MAP2K3: variants seen among roughly 807,000 people sequenced by gnomAD.
MAP2K3 encodes the protein dual specificity mitogen-activated protein kinase kinase 3.
MAP2K3 carries 30 observed loss-of-function variants against 46.4 expected under a neutral mutation model. The ratio of observed to expected loss-of-function variants is 0.65; its 90% confidence interval spans 0.48 to 0.88. MAP2K3 has a LOEUF of 0.88. Among genes scored for constraint, MAP2K3 ranks in the 40% least tolerant of loss-of-function variants. MAP2K3 has a pLI of 0.00. For missense variants in MAP2K3, 380 were observed against 464.5 expected (o/e 0.82, Z 1.67); for synonymous variants, 189 against 176.3 (o/e 1.07, Z -0.57).
rs1480000420 is a variant in MAP2K3 at position 21,312,126 on chromosome 17, C to T, written c.775-16C>T. 3 of 1,517,340 alleles carry T rather than the reference C, an allele frequency of 2.0e-6. No individual in the cohort carries two copies. Among genetic ancestry groups the T allele is most frequent in the Non-Finnish European group, 2.6e-6 (3 of 1,135,556 alleles). 94.0% of individuals were successfully genotyped at this position (1,517,340 alleles called of 1,614,324 possible). Reference sequence around the variant, plus strand: ...TATCTGGGGCCGGGGCCTCTGACCCCCTGTCCCCGCTGCAGATTGAGATGG... The same window carrying T: ...TATCTGGGGCCGGGGCCTCTGACCCTCTGTCCCCGCTGCAGATTGAGATGG... On this transcript the variant is annotated splice_polypyrimidine_tract_variant and intron_variant, in intron 9 of 11. Coordinates refer to ENST00000342679, the MANE Select transcript of MAP2K3 (RefSeq NM_145109.3).
chr17:21,312,254 C>T lies in MAP2K3; in HGVS notation c.887C>T (p.Pro296Leu). 6.2e-7 allele frequency: 1 copy of T among 1,601,470 alleles called. No individual in the cohort carries two copies. Among genetic ancestry groups the T allele is most frequent in the Non-Finnish European group, 8.5e-7 (1 of 1,175,820 alleles). Residue 296 changes from proline to leucine, a missense_variant, in exon 10 of 12, where the codon CCC becomes CTC. Physicochemically the swap from Pro to Leu is moderately conservative, Grantham distance 98. This residue lies in a region of MAP2K3 where 63 missense variants were observed against 81.6 expected (regional missense o/e 0.77). Coordinates refer to ENST00000342679, the MANE Select transcript of MAP2K3 (RefSeq NM_145109.3). ...SPQLPADRFSPEFVDFTAQCL... is the reference protein window; with the variant it reads ...SPQLPADRFSLEFVDFTAQCL... Reference sequence around the variant, plus strand: ...CAGCTCCCAGCCGACCGTTTCTCCCCCGAGTTTGTGGACTTCACTGCTCAG... The same window carrying T: ...CAGCTCCCAGCCGACCGTTTCTCCCTCGAGTTTGTGGACTTCACTGCTCAG...
At position 21,315,186 on chromosome 17, in the gene MAP2K3, G is replaced by T. The variant is rs62055368; in HGVS notation, c.*956G>T. The stretch of plus-strand genomic sequence containing the variant: ...CCCGGGTCCTTTCCCTGATGGGTTG[G>T]GGCAGTTACCTGGTTGCTGTTTTAA... On this transcript the variant is annotated 3_prime_UTR_variant, in exon 12 of 12. Coordinates refer to ENST00000342679, the MANE Select transcript of MAP2K3 (RefSeq NM_145109.3). 9 of 151,328 alleles carry T rather than the reference G, an allele frequency of 5.9e-5. 1 individual carries two copies. The South Asian group carries it at 1.7e-3, about 28-fold the overall frequency. The allele number at this position is 151,328 out of a possible 1,614,324, so 9.4% of individuals were successfully genotyped here.
chr17:21,285,649 T>C (rs1477607567), intron 1 of MAP2K3, among the ~76,000 whole-genome samples: 1 of 151,920 alleles, frequency 6.6e-6, no homozygotes, highest in Non-Finnish European at 1.5e-5. Context: ...CTCCCTAAGG[T>C]ACAGCCCCCT....
intron 1 of MAP2K3, among the ~76,000 whole-genome samples, chr17:21,295,449 A>G (rs1323341446): frequency 6.6e-6 from 1 of 152,298 alleles, no homozygotes; most frequent in Non-Finnish European, 1.5e-5. Flanking sequence ...GTGGGTTGCC[A>G]GTGGCCGCCG....
chr17:21,314,110 A>G (rs1315912522), intron 11 of MAP2K3, 37 bp from the exon 12 acceptor site: 2 of 1,535,042 alleles, frequency 1.3e-6, no homozygotes, highest in East Asian at 4.5e-5. Context: ...CCCTCCCGCT[A>G]CCCCTCCATG....
intron 5 of MAP2K3, among the ~76,000 whole-genome samples, chr17:21,301,365 C>T (rs1470926893): frequency 6.6e-6 from 1 of 152,308 alleles, no homozygotes; most frequent in African/African-American, 2.4e-5. Context: ...GATATGAGAT[C>T]TGGATTCTGG....
chr17:21,291,193 G>A (rs1261839540), intron 1 of MAP2K3, among the ~76,000 whole-genome samples: 2 of 151,988 alleles, frequency 1.3e-5, no homozygotes, highest in Admixed American at 6.5e-5. Context: ...GCAGTGAGCC[G>A]GGATCGCACC....
chr17:21,307,207 C>G (rs1349454250), intron 9 of MAP2K3, among the ~76,000 whole-genome samples: 3 of 152,412 alleles, frequency 2.0e-5, no homozygotes, highest in African/African-American at 7.2e-5. Context: ...CCATCTGAGG[C>G]TGTCTAGGGG....
intron 5 of MAP2K3, among the ~76,000 whole-genome samples, chr17:21,301,835 G>A (rs1176535158): frequency 2.6e-5 from 4 of 152,310 alleles, no homozygotes; most frequent in African/African-American, 9.6e-5. Context: ...GCTGGTGCAG[G>A]TGCATCCTGA....
rs946906809 is a variant in MAP2K3 at position 21,284,803 on chromosome 17, G to C, written c.-118G>C. ...AGTCGCCGCCGCCGCCGCCGCCGCC[G>C]CCGCTGCTCCTCCGCCTGGCCTGGG... On this transcript the variant is annotated 5_prime_UTR_variant, in exon 1 of 12. Transcript: ENST00000342679. 1.3e-4 allele frequency: 159 copies of C among 1,200,282 alleles called. No individual in the cohort carries two copies. The highest frequency in any genetic ancestry group is 1.6e-4 in the Non-Finnish European group (139 of 894,570). The allele number at this position is 1,200,282 out of a possible 1,614,324, so 74.4% of individuals were successfully genotyped here. A position where few individuals can be genotyped will look rare whatever the true frequency, so the allele number is the denominator to read the frequency against.
intron 6 of MAP2K3, 103 bp from the exon 7 acceptor site, chr17:21,303,080 G>T: frequency 6.8e-7 from 1 of 1,475,744 alleles, no homozygotes; most frequent in South Asian, 1.2e-5. Flanking sequence ...CAGCGGGAGC[G>T]GGAGACAGGT....
chr17:21,303,944 G>A (rs1457415471), intron 7 of MAP2K3, among the ~76,000 whole-genome samples: 3 of 152,232 alleles, frequency 2.0e-5, no homozygotes, highest in African/African-American at 7.2e-5. Flanking sequence ...ACGGGGATGT[G>A]AGTGTCCTAT....
intron 1 of MAP2K3, among the ~76,000 whole-genome samples, chr17:21,287,316 T>G (rs1467595601): frequency 6.6e-6 from 1 of 152,258 alleles, no homozygotes; most frequent in African/African-American, 2.4e-5. Context: ...CCCACTCATT[T>G]GACAGATGCA....
chr17:21,297,474 G>A (rs750735292), intron 1 of MAP2K3, among the ~76,000 whole-genome samples: 11 of 152,426 alleles, frequency 7.2e-5, no homozygotes, highest in Admixed American at 5.2e-4. Flanking sequence ...TCCGGGAGCC[G>A]TGTCACTCCC....
At chr17:21,299,390 C>A (rs1486947502) in intron 3 of MAP2K3, among the ~76,000 whole-genome samples, 15 of 152,310 alleles carry the variant, frequency 9.8e-5, no homozygotes, top group African/African-American at 3.6e-4. Context: ...CAACAGAAAC[C>A]CTACTCCCAG....
intron 1 of MAP2K3, among the ~76,000 whole-genome samples, chr17:21,295,469 G>C (rs1249910173): frequency 6.6e-6 from 1 of 152,308 alleles, no homozygotes; most frequent in Non-Finnish European, 1.5e-5. Flanking sequence ...GAGAGCCTCT[G>C]TTTGTTGTGG....
intron 6 of MAP2K3, 88 bp downstream of exon 6, chr17:21,302,347 T>C: frequency 7.0e-7 from 1 of 1,438,022 alleles, no homozygotes; most frequent in South Asian, 1.2e-5. Context: ...TGCCTATTGA[T>C]GGTGTCTTGG....
chr17:21,300,520 C>A (rs1397337402), intron 3 of MAP2K3, 25 bp from the exon 4 acceptor site: 1 of 1,589,390 alleles, frequency 6.3e-7, no homozygotes, highest in Non-Finnish European at 8.6e-7. Context: ...TTGCTGGCCA[C>A]TGACTCTCTT....
chr17:21,287,972 C>T (rs1975768538), intron 1 of MAP2K3: 2 of 1,240,030 alleles, frequency 1.6e-6, no homozygotes, highest in Non-Finnish European at 2.1e-6. Flanking sequence ...ACTTCCCCCA[C>T]CCCTCTTGTG....
Sources: gnomAD v4.1 joint callset for allele counts (sites outside exome capture counted in the v4.1 genomes callset) on GRCh38, gnomAD v4.1.1 for gene constraint, gnomAD v4.1.1 regional missense constraint, MANE v1.5 for transcripts, NCBI Gene and HGNC (gene_info 2026-07-23, HGNC 2026-07-21) for gene names.